Variants in EYA1 observed in about 807,000 individuals in gnomAD.
EYA1 encodes the protein protein phosphatase EYA1.
EYA1 carries 16 observed loss-of-function variants against 82.0 expected under a neutral mutation model. That is an observed-to-expected ratio of 0.20 (90% CI 0.13 to 0.30). EYA1 has a LOEUF of 0.30. Ranked by LOEUF, EYA1 falls within the 10% of genes least tolerant of loss-of-function variation. The pLI, the probability that EYA1 is intolerant of heterozygous loss-of-function variation, is 1.00. For synonymous variants in EYA1, 261 were observed against 264.4 expected (o/e 0.99, Z 0.12); for missense variants, 633 against 730.7 (o/e 0.87, Z 1.54).
intron 12 of EYA1, among the ~76,000 whole-genome samples, chr8:71,231,714 C>T (rs62507629): frequency 7.9e-5 from 12 of 152,210 alleles, no homozygotes; most frequent in Non-Finnish European, 1.0e-4. Flanking sequence ...GGACATTCAG[C>T]GCAAAGTAGC....
intron 2 of EYA1, among the ~76,000 whole-genome samples, chr8:71,406,450 C>G (rs1409507731): frequency 6.6e-6 from 1 of 152,186 alleles, no homozygotes; most frequent in Non-Finnish European, 1.5e-5. Flanking sequence ...TTCTGCATTT[C>G]CATCTGAGGT....
At chr8:71,268,128 A>T (rs1432277885) in intron 11 of EYA1, among the ~76,000 whole-genome samples, 6 of 152,224 alleles carry the variant, frequency 3.9e-5, no homozygotes, top group Admixed American at 1.3e-4. Context: ...CTAACTCCTT[A>T]ACTCTAAGCT....
chr8:71,418,629 G>T (rs1248515390), intron 2 of EYA1, among the ~76,000 whole-genome samples: 1 of 152,114 alleles, frequency 6.6e-6, no homozygotes, highest in Admixed American at 6.5e-5. Flanking sequence ...CATTATCTCA[G>T]AAAGTTGAGT....
rs535010065 is a variant in EYA1, at chr8:71,410,003, G to T, written c.34-53492C>A. 9.2e-4 allele frequency among the ~76,000 whole-genome samples: 139 copies of T among 151,524 alleles called. 1 individual carries two copies. Among genetic ancestry groups the T allele is most frequent in the African/African-American group, 3.2e-3 (133 of 41,232 alleles). On this transcript the variant is annotated intron_variant, in intron 2 of 18. Transcript: ENST00000643681. ...AAATACTGGCAAACCGAATCCAGCA[G>T]CACATCAAAAAGCTTATCCACCATG...
chr8:71,241,648 T>A (rs991210837), intron 12 of EYA1, among the ~76,000 whole-genome samples: 1 of 152,184 alleles, frequency 6.6e-6, no homozygotes, highest in Non-Finnish European at 1.5e-5. Flanking sequence ...AAATTACTTA[T>A]GCTATAGACC....
At chr8:71,430,955 G>C (rs1299249885) in intron 2 of EYA1, among the ~76,000 whole-genome samples, 1 of 151,888 alleles carries the variant, frequency 6.6e-6, no homozygotes, top group African/African-American at 2.4e-5. Context: ...AGACAGCTTG[G>C]CTTTAATTAA....
At chr8:71,208,477 A>C (rs962251574) in intron 17 of EYA1, among the ~76,000 whole-genome samples, 2 of 152,160 alleles carry the variant, frequency 1.3e-5, no homozygotes, top group Admixed American at 6.5e-5. Context: ...CCAGTATAAA[A>C]ATTAACTAAA....
chr8:71,396,454 C>G (rs576592996), intron 2 of EYA1, among the ~76,000 whole-genome samples: 6 of 152,338 alleles, frequency 3.9e-5, no homozygotes, highest in African/African-American at 1.4e-4. Flanking sequence ...CCTCTACACA[C>G]TGCTTTAAAT....
chr8:71,533,405 T>C (rs1814452641), intron 2 of EYA1, among the ~76,000 whole-genome samples: 1 of 152,172 alleles, frequency 6.6e-6, no homozygotes, highest in Non-Finnish European at 1.5e-5. Flanking sequence ...TTACTCTAAA[T>C]ATGGCTGAAA....
intron 17 of EYA1, among the ~76,000 whole-genome samples, chr8:71,207,308 C>T (rs139847273): frequency 1.1e-4 from 16 of 152,178 alleles, no homozygotes; most frequent in South Asian, 8.3e-4. Context: ...TATACAAAGA[C>T]GACTATTTAT....
At chr8:71,278,023 C>T (rs1207226706) in intron 9 of EYA1, among the ~76,000 whole-genome samples, 1 of 152,154 alleles carries the variant, frequency 6.6e-6, no homozygotes, top group African/African-American at 2.4e-5. Flanking sequence ...CTGGAACTCG[C>T]AAGAGTCCAT....
chr8:71,543,296 G>A (rs764968020), intron 1 of EYA1, among the ~76,000 whole-genome samples: 1 of 152,196 alleles, frequency 6.6e-6, no homozygotes, highest in Non-Finnish European at 1.5e-5. Flanking sequence ...TGGAGCAGAG[G>A]TTGGGGGGTG....
chr8:71,327,080 T>C (rs1485373211), intron 4 of EYA1, among the ~76,000 whole-genome samples: 1 of 152,192 alleles, frequency 6.6e-6, no homozygotes, highest in Non-Finnish European at 1.5e-5. Flanking sequence ...GTTTTCTTCT[T>C]AGCAGTTTTA....
At chr8:71,436,865 C>T (rs1230536401) in intron 2 of EYA1, among the ~76,000 whole-genome samples, 1 of 152,094 alleles carries the variant, frequency 6.6e-6, no homozygotes, top group Non-Finnish European at 1.5e-5. Context: ...GCTTCAAGCA[C>T]AGTATCTCTC....
intron 4 of EYA1, among the ~76,000 whole-genome samples, chr8:71,328,400 G>GC (rs1164769761): frequency 6.6e-6 from 1 of 152,122 alleles, no homozygotes; most frequent in Non-Finnish European, 1.5e-5. Flanking sequence ...CCTTCACCCA[G>GC]CCCCCTCAGC....
At chr8:71,241,806 A>G (rs1812507645) in intron 12 of EYA1, among the ~76,000 whole-genome samples, 1 of 141,918 alleles carries the variant, frequency 7.0e-6, no homozygotes, top group Non-Finnish European at 1.5e-5. Context: ...GCATTATGCC[A>G]ATAGACATTT....
chr8:71,314,844 A>G (rs1195871773), intron 7 of EYA1, among the ~76,000 whole-genome samples: 2 of 152,370 alleles, frequency 1.3e-5, no homozygotes, highest in Non-Finnish European at 1.5e-5. Flanking sequence ...AAAAGTTTTA[A>G]TGCAATATCC....
chr8:71,342,010 T>A (rs1038031583), intron 3 of EYA1, among the ~76,000 whole-genome samples: 4 of 152,216 alleles, frequency 2.6e-5, no homozygotes, highest in Middle Eastern at 3.2e-3. Flanking sequence ...TAATGTCTTT[T>A]ACAACTCCAT....
At chr8:71,213,446 T>C (rs1808783300) in intron 16 of EYA1, among the ~76,000 whole-genome samples, 1 of 152,230 alleles carries the variant, frequency 6.6e-6, no homozygotes, top group South Asian at 2.1e-4. Context: ...TTCCTCTTAA[T>C]TGATATAGAT....
Sources: gnomAD v4.1 joint callset for allele counts (sites outside exome capture counted in the v4.1 genomes callset) on GRCh38, gnomAD v4.1.1 for gene constraint, MANE v1.5 for transcripts, NCBI Gene and HGNC (gene_info 2026-07-23, HGNC 2026-07-21) for gene names.